RALYL: variants seen among roughly 807,000 people sequenced by gnomAD.
The protein encoded by RALYL is RNA-binding Raly-like protein.
RALYL carries 29 observed loss-of-function variants against 35.1 expected under a neutral mutation model. That is an observed-to-expected ratio of 0.83 (90% CI 0.61 to 1.13). RALYL has a LOEUF of 1.13. Ranked by LOEUF, RALYL falls within the 50% of genes most tolerant of loss-of-function variation. RALYL has a pLI of 0.00. For missense variants in RALYL, 359 were observed against 360.4 expected, an observed-to-expected ratio of 1.00 and a Z score of 0.03; for synonymous variants, 120 against 127.6, an observed-to-expected ratio of 0.94 and a Z score of 0.40.
chr8:84,532,046 A>G (rs532790905), intron 2 of RALYL, among the ~76,000 whole-genome samples: 19 of 152,106 alleles, frequency 1.2e-4, no homozygotes, highest in African/African-American at 4.6e-4. Context: ...ATATATCCTA[A>G]TCATCTATAA....
chr8:84,668,071 C>T (rs1816773220), intron 2 of RALYL, among the ~76,000 whole-genome samples: 1 of 152,062 alleles, frequency 6.6e-6, no homozygotes, highest in African/African-American at 2.4e-5. Context: ...TGGCTTACCT[C>T]CTTTGATGAT....
chr8:84,248,524 CTT>C (rs1354270618), intron 1 of RALYL, among the ~76,000 whole-genome samples: 1 of 152,038 alleles, frequency 6.6e-6, no homozygotes, highest in Non-Finnish European at 1.5e-5. Context: ...TTGATGCTGT[CTT>C]TTGTTGCAAA....
intron 4 of RALYL, among the ~76,000 whole-genome samples, chr8:84,836,048 GTT>G (rs1397758365): frequency 6.6e-6 from 1 of 152,140 alleles, no homozygotes; most frequent in Non-Finnish European, 1.5e-5. Flanking sequence ...TGCTGTTGCT[GTT>G]ATTTTTATTT....
chr8:84,792,475 G>T (rs887844954), intron 3 of RALYL, among the ~76,000 whole-genome samples: 1 of 152,184 alleles, frequency 6.6e-6, no homozygotes, highest in African/African-American at 2.4e-5. Context: ...TGGAGCTGGT[G>T]GTTTGGAGTT....
At chr8:84,228,180 G>A (rs1824435806) in intron 1 of RALYL, among the ~76,000 whole-genome samples, 1 of 150,262 alleles carries the variant, frequency 6.7e-6, no homozygotes, top group African/African-American at 2.5e-5. Flanking sequence ...AAAAAAATGT[G>A]ATTGTGGTAG....
At chr8:84,918,947 G>A (rs552725583) in intron 8 of RALYL, among the ~76,000 whole-genome samples, 15 of 151,992 alleles carry the variant, frequency 9.9e-5, no homozygotes, top group Non-Finnish European at 1.8e-4. Flanking sequence ...AGCAAAGGAA[G>A]GTGTAAGAAA....
At chr8:84,259,250 G>T (rs1235077269) in intron 1 of RALYL, among the ~76,000 whole-genome samples, 1 of 152,160 alleles carries the variant, frequency 6.6e-6, no homozygotes, top group Non-Finnish European at 1.5e-5. Context: ...TACAATGTAG[G>T]TCAAGCACAA....
In RALYL at chr8:84,618,961, G is replaced by A. The variant is rs1164969205; in HGVS notation, c.256+89384G>A. Reference sequence around the variant, plus strand: ...TGATTGCACTGTGGTCTGAGAGATAGTTTGTTATAATTTGTGTTCTTTTAC... The same window carrying A: ...TGATTGCACTGTGGTCTGAGAGATAATTTGTTATAATTTGTGTTCTTTTAC... On this transcript the variant is annotated intron_variant, in intron 2 of 8. Coordinates refer to ENST00000521268, the MANE Select transcript of RALYL (RefSeq NM_173848.7). 7.9e-5 allele frequency among the ~76,000 whole-genome samples: 11 copies of A among 138,970 alleles called. No individual in the cohort carries two copies. In the East Asian group the frequency reaches 2.3e-3, roughly 29 times the overall value. 91.2% of individuals were successfully genotyped at this position (138,970 alleles called of 152,430 possible). A position where few individuals can be genotyped will look rare whatever the true frequency, so the allele number is the denominator to read the frequency against.
chr8:84,671,695 A>G (rs1833277465), intron 2 of RALYL, among the ~76,000 whole-genome samples: 1 of 152,200 alleles, frequency 6.6e-6, no homozygotes, highest in East Asian at 1.9e-4. Context: ...AGCAGCTGGG[A>G]CACAGGGCAC....
chr8:84,356,960 G>T (rs1481272682), intron 1 of RALYL, among the ~76,000 whole-genome samples: 1 of 152,086 alleles, frequency 6.6e-6, no homozygotes, highest in African/African-American at 2.4e-5. Flanking sequence ...CAGTGATGCA[G>T]ACTGATATAT....
chr8:84,557,770 G>GA (rs139628822), intron 2 of RALYL, among the ~76,000 whole-genome samples: 140 of 144,492 alleles, frequency 9.7e-4, no homozygotes, highest in South Asian at 5.2e-3. Context: ...GGCCTAATGA[G>GA]AAAAAAAAAA....
chr8:84,511,113 T>A (rs966042391), intron 1 of RALYL, among the ~76,000 whole-genome samples: 2 of 152,202 alleles, frequency 1.3e-5, no homozygotes, highest in African/African-American at 4.8e-5. Context: ...GTAACCATCC[T>A]TCTACTCTAC....
chr8:84,316,252 A>G (rs532722791), intron 1 of RALYL, among the ~76,000 whole-genome samples: 2 of 152,138 alleles, frequency 1.3e-5, no homozygotes, highest in African/African-American at 2.4e-5. Context: ...ATTTACATTT[A>G]TTTCCAGACG....
intron 2 of RALYL, among the ~76,000 whole-genome samples, chr8:84,733,436 C>T (rs543600253): frequency 2.6e-5 from 4 of 152,230 alleles, no homozygotes; most frequent in African/African-American, 9.6e-5. Flanking sequence ...CATCCATCTA[C>T]CTCATCAAGG....
chr8:84,245,583 ATTG>A (rs1426461939), intron 1 of RALYL, among the ~76,000 whole-genome samples: 1 of 152,170 alleles, frequency 6.6e-6, no homozygotes. Flanking sequence ...TGCTGTTCTT[ATTG>A]TTGTTGTCAT....
chr8:84,298,251 A>T, intron 1 of RALYL, among the ~76,000 whole-genome samples: 1 of 151,950 alleles, frequency 6.6e-6, no homozygotes, highest in Non-Finnish European at 1.5e-5. Context: ...CTCTTACACA[A>T]GGCTAGCCAG....
chr8:84,227,056 C>CTTTTTT lies in RALYL; in HGVS notation c.-24+42649_-24+42654dup, dbSNP rs1158995864. 6.5e-3 allele frequency among the ~76,000 whole-genome samples: 529 copies of CTTTTTT among 81,876 alleles called. 30 individuals carry two copies. The highest frequency in any genetic ancestry group is 0.011 in the East Asian group (27 of 2,372). The allele number at this position is 81,876 out of a possible 152,430, so 53.7% of individuals were successfully genotyped here. On this transcript the variant is annotated intron_variant, in intron 1 of 8. Transcript: ENST00000521268. ...TAGGCTTCCAGAAAAAATTGTATTT[C>CTTTTTT]TTTTTTTTTTTTTTTTTTTTTTGAG...
At chr8:84,382,340 A>C (rs540389374) in intron 1 of RALYL, among the ~76,000 whole-genome samples, 2 of 151,696 alleles carry the variant, frequency 1.3e-5, no homozygotes, top group Admixed American at 6.6e-5. Context: ...TTATGGTTTA[A>C]CACTCTCAAA....
At chr8:84,349,677 T>C (rs1850522389) in intron 1 of RALYL, among the ~76,000 whole-genome samples, 1 of 150,602 alleles carries the variant, frequency 6.6e-6, no homozygotes. Flanking sequence ...ATCAAATGTG[T>C]TCATTATAAT....
Sources: allele counts gnomAD v4.1 joint callset (sites outside exome capture counted in the v4.1 genomes callset), GRCh38; gene constraint gnomAD v4.1.1; transcripts MANE v1.5; gene names NCBI Gene and HGNC (gene_info 2026-07-23, HGNC 2026-07-21).